ZBBX: variants seen among roughly 807,000 people sequenced by gnomAD.
ZBBX encodes zinc finger B-box domain containing.
ZBBX carries 101 observed loss-of-function variants against 108.5 expected under a neutral mutation model. That is an observed-to-expected ratio of 0.93 (90% confidence interval 0.79 to 1.10). The LOEUF (loss-of-function observed/expected upper bound fraction) is 1.10. Ranked by LOEUF, ZBBX falls within the 50% of genes least tolerant of loss-of-function variation. The probability of loss-of-function intolerance (pLI) is 0.00; values close to 1 mark genes in which losing one functional copy is unlikely to be tolerated. For synonymous variants in ZBBX, 356 were observed against 323.4 expected (o/e 1.10, Z -1.08); for missense variants, 1,009 against 941.4 (o/e 1.07, Z -0.94).
chr3:167,324,315 T>C (rs1330011915), intron 11 of ZBBX, among the ~76,000 whole-genome samples: 1 of 152,046 alleles, frequency 6.6e-6, no homozygotes, highest in Non-Finnish European at 1.5e-5. Context: ...TGACTTTTCT[T>C]TAAATTTTGT....
At chr3:167,202,495 AT>A in the ZBBX span, among the ~76,000 whole-genome samples, 47,032 of 151,976 alleles carry the variant, frequency 0.31, 7,701 homozygotes, top group East Asian at 0.65. Context: ...AAGCTATTAG[AT>A]TTAAAGAATC....
chr3:167,190,554 G>A, the ZBBX span, among the ~76,000 whole-genome samples: 7 of 151,902 alleles, frequency 4.6e-5, no homozygotes, highest in Admixed American at 4.6e-4. Flanking sequence ...CTAATTTTTT[G>A]TATTTTTAGT....
chr3:167,272,504 AG>A (rs1726708989), intron 20 of ZBBX, among the ~76,000 whole-genome samples: 1 of 152,210 alleles, frequency 6.6e-6, no homozygotes, highest in Admixed American at 6.5e-5. Flanking sequence ...ACTTGAGTCA[AG>A]AAAGCACCGT....
chr3:167,396,979 G>T (rs1025947702), intron 1 of ZBBX, among the ~76,000 whole-genome samples: 7 of 151,512 alleles, frequency 4.6e-5, no homozygotes, highest in African/African-American at 1.7e-4. Flanking sequence ...AGACCAGGGA[G>T]TAATGCCCAA....
At chr3:167,367,659 ATGT>A (rs1164874650) in intron 5 of ZBBX, among the ~76,000 whole-genome samples, 1 of 151,422 alleles carries the variant, frequency 6.6e-6, no homozygotes, top group African/African-American at 2.4e-5. Flanking sequence ...ATTCACACAC[ATGT>A]ATATACGTAT....
intron 1 of ZBBX, among the ~76,000 whole-genome samples, chr3:167,380,037 G>C (rs1747561760): frequency 1.3e-5 from 2 of 152,194 alleles, no homozygotes; most frequent in African/African-American, 4.8e-5. Context: ...GCCCCGTCCT[G>C]CTGCCTGCAG....
intron 9 of ZBBX, among the ~76,000 whole-genome samples, chr3:167,337,849 TTAAG>T (rs1342947054): frequency 1.3e-5 from 2 of 152,116 alleles, no homozygotes; most frequent in African/African-American, 2.4e-5. Context: ...ACTATACATA[TTAAG>T]TATCATAACA....
chr3:167,364,678 T>C (rs1745061584), intron 6 of ZBBX, among the ~76,000 whole-genome samples: 2 of 152,060 alleles, frequency 1.3e-5, no homozygotes, highest in Admixed American at 1.3e-4. Flanking sequence ...TTGACTGGTA[T>C]TAAAACTTAT....
chr3:167,300,914 C>A (rs76232533), intron 17 of ZBBX, among the ~76,000 whole-genome samples: 2 of 119,112 alleles, frequency 1.7e-5, no homozygotes, highest in East Asian at 2.0e-4. Flanking sequence ...CTGTGCCTGG[C>A]CTTTTTTTTT....
chr3:167,195,775 T>C, the ZBBX span, among the ~76,000 whole-genome samples: 1 of 152,224 alleles, frequency 6.6e-6, no homozygotes, highest in Non-Finnish European at 1.5e-5. Context: ...AAGCCATCTC[T>C]ACCTGCCAGA....
the ZBBX span, among the ~76,000 whole-genome samples, chr3:167,225,870 A>C: frequency 6.6e-6 from 1 of 151,764 alleles, no homozygotes. Context: ...TACTAAGATC[A>C]GTTGCTTTTC....
intron 10 of ZBBX, among the ~76,000 whole-genome samples, chr3:167,329,224 G>A (rs1737959895): frequency 6.6e-6 from 1 of 152,136 alleles, no homozygotes; most frequent in African/African-American, 2.4e-5. Context: ...GCCACATTAG[G>A]AAACCCAAGC....
chr3:167,305,919 G>C lies in ZBBX; in HGVS notation c.1449C>G (p.Ile483Met), dbSNP rs751732507. The C allele has an allele frequency of 6.4e-7, 1 of 1,570,154 alleles. No individual in the cohort carries two copies. Among genetic ancestry groups the C allele is most frequent in the Admixed American group, 1.9e-5 (1 of 52,358 alleles). ...AETSNTDFDN[I>M]VDPDVYSSDI... ...CAGAAGAATACACATCAGGATCCAC[G>C]ATGTTGTCAAAATCTGTGTTTGAAG... is the stretch of plus-strand genomic sequence containing the variant. Residue 483 changes from isoleucine to methionine, a missense_variant, in exon 17 of 22, where the codon ATC becomes ATG. Ile to Met is a conservative substitution (Grantham distance 10). Coordinates refer to ENST00000675490, the MANE Select transcript of ZBBX (RefSeq NM_001199201.2).
At chr3:167,254,166 GT>G (rs1033948883) in intron 20 of ZBBX, among the ~76,000 whole-genome samples, 2 of 152,146 alleles carry the variant, frequency 1.3e-5, no homozygotes, top group African/African-American at 4.8e-5. Flanking sequence ...AGAGAAAGCA[GT>G]TTTTCTGGGA....
At chr3:167,202,050 A>G in the ZBBX span, among the ~76,000 whole-genome samples, 4 of 152,034 alleles carry the variant, frequency 2.6e-5, no homozygotes, top group Non-Finnish European at 4.4e-5. Context: ...TTTGGTCCCT[A>G]TGAGTTGTGG....
chr3:167,282,962 A>G (rs1159828045), intron 19 of ZBBX, among the ~76,000 whole-genome samples: 3 of 152,230 alleles, frequency 2.0e-5, no homozygotes, highest in Non-Finnish European at 1.5e-5. Flanking sequence ...TATGTAATTT[A>G]TTCTTACATT....
chr3:167,380,875 C>G (rs559153764), upstream of ZBBX, among the ~76,000 whole-genome samples: 7 of 146,520 alleles, frequency 4.8e-5, no homozygotes, highest in Admixed American at 3.5e-4. Context: ...TGCACACACA[C>G]ACACACACAC....
chr3:167,226,080 A>G, the ZBBX span, among the ~76,000 whole-genome samples: 2 of 148,906 alleles, frequency 1.3e-5, no homozygotes, highest in Non-Finnish European at 3.0e-5. Flanking sequence ...AGTGACTGTG[A>G]TTAAAAAAAA....
intron 7 of ZBBX, 43 bp downstream of exon 7, chr3:167,360,632 G>A: frequency 9.0e-7 from 1 of 1,117,290 alleles, no homozygotes; most frequent in Non-Finnish European, 1.2e-6. Flanking sequence ...GTAAAAGAAA[G>A]GGATGTCTTT....
Sources: gnomAD v4.1 joint callset for allele counts (sites outside exome capture counted in the v4.1 genomes callset) on GRCh38, gnomAD v4.1.1 for gene constraint, MANE v1.5 for transcripts, NCBI Gene and HGNC (gene_info 2026-07-23, HGNC 2026-07-21) for gene names.